Variants in GGA1 observed in about 807,000 individuals in gnomAD.
GGA1 encodes the protein golgi associated, gamma adaptin ear containing, ARF binding protein 1.
In GGA1, 18 loss-of-function variants were observed where a neutral mutation model predicts 76.9. The ratio of observed to expected loss-of-function variants is 0.23; its 90% CI spans 0.16 to 0.35. The LOEUF (loss-of-function observed/expected upper bound fraction) is 0.35. Ranked by LOEUF, GGA1 falls within the 10% of genes least tolerant of loss-of-function variation. The pLI is 1.00. For missense variants in GGA1, 755 were observed against 859.0 expected, an observed-to-expected ratio of 0.88 and a Z score of 1.51; for synonymous variants, 342 against 354.7, an observed-to-expected ratio of 0.96 and a Z score of 0.40.
At chr22:37,630,621 C>G (rs1457582579) in intron 13 of GGA1, 2 of 503,464 alleles carry the variant, frequency 4.0e-6, no homozygotes, top group Non-Finnish European at 7.0e-6. Context: ...GGCTGGAGTA[C>G]AGTGGCATGA....
chr22:37,623,007 T>C lies in GGA1; in HGVS notation c.610-320T>C, dbSNP rs959677360. ...CAAACACAAGGAGGGCAAGAGTCAC[T>C]GAGAACCACAGTGGAGGTCTAGGGC... On this transcript the variant is annotated intron_variant, in intron 7 of 16. Transcript: ENST00000343632. This position sits in a 1 kb window ranked among gnomAD's most constrained non-coding sequence, Gnocchi z 4.6. Among the ~76,000 whole-genome samples the C allele has an allele frequency of 4.1e-4, 62 of 152,324 alleles. No homozygotes were observed. The highest frequency in any genetic ancestry group is 1.4e-3 in the African/African-American group (57 of 41,568).
intron 2 of GGA1, among the ~76,000 whole-genome samples, chr22:37,615,147 T>G (rs1928519630): frequency 6.7e-6 from 1 of 149,348 alleles, no homozygotes; most frequent in African/African-American, 2.5e-5. Flanking sequence ...CATCATCTCT[T>G]AAAAAATAAA....
At chr22:37,613,121 G>A in intron 1 of GGA1, 1 of 985,424 alleles carries the variant, frequency 1.0e-6, no homozygotes, top group Non-Finnish European at 1.2e-6. Context: ...CTGGGCAGGA[G>A]TAGAGGATTA....
chr22:37,617,124 A>C (rs1260603135), intron 3 of GGA1, 127 bp downstream of exon 3: 2 of 1,517,272 alleles, frequency 1.3e-6, no homozygotes, highest in Non-Finnish European at 1.8e-6. Flanking sequence ...ATGGCCCAGG[A>C]TGGAGGTCCG....
rs1930531306 is a variant in GGA1 at position 37,624,901 on chromosome 22, C to T, written c.833-68C>T. On this transcript the variant is annotated intron_variant, in intron 9 of 16. Coordinates refer to ENST00000343632, the MANE Select transcript of GGA1 (RefSeq NM_013365.5). The surrounding 1 kb of genome is among the most constrained non-coding windows in gnomAD (Gnocchi z 4.3). Reference sequence around the variant, plus strand: ...CACAGGCTGTGATGGATGTGGGGTCCTCGTCCCCTGCCGCCCAGAGGCCCC... The same window carrying T: ...CACAGGCTGTGATGGATGTGGGGTCTTCGTCCCCTGCCGCCCAGAGGCCCC... 6.5e-7 allele frequency: 1 copy of T among 1,527,704 alleles called. No homozygotes were observed. The highest frequency in any genetic ancestry group is 2.0e-5 in the Admixed American group (1 of 50,430). 94.6% of individuals were successfully genotyped at this position (1,527,704 alleles called of 1,614,324 possible).
At chr22:37,626,454 G>T (rs1930854689) in intron 11 of GGA1, 1 of 152,268 alleles carries the variant, frequency 6.6e-6, no homozygotes, top group African/African-American at 2.4e-5. Flanking sequence ...CCCAGCAGGG[G>T]CCAGGCTTCC....
intron 1 of GGA1, 22 bp downstream of exon 1, chr22:37,608,925 G>A (rs1926905387): frequency 7.6e-7 from 1 of 1,320,306 alleles, no homozygotes; most frequent in Non-Finnish European, 9.7e-7. Context: ...GGAGGGGCGC[G>A]GGCCGGACCG....
At position 37,625,151 on chromosome 22, in the gene GGA1, G is replaced by C. The variant is rs1476389663; in HGVS notation, c.940+75G>C. 5 of 1,330,928 alleles carry C rather than the reference G, an allele frequency of 3.8e-6. No individual in the cohort carries two copies. In the Admixed American group the frequency reaches 1.0e-4, roughly 26 times the overall value. 82.4% of individuals were successfully genotyped at this position (1,330,928 alleles called of 1,614,324 possible). A position where few individuals can be genotyped will look rare whatever the true frequency, so the allele number is the denominator to read the frequency against. On this transcript the variant is annotated intron_variant, in intron 10 of 16. Coordinates refer to ENST00000343632, the MANE Select transcript of GGA1 (RefSeq NM_013365.5). This position sits in a 1 kb window ranked among gnomAD's most constrained non-coding sequence, Gnocchi z 4.1. ...CACAGAGAGTGCAGGGTGGTGTGCT[G>C]GTCTCAGAGCGGCTGGAATGACTGC...
rs777430945 is a variant in GGA1, at chr22:37,632,772, G to A, written c.*61G>A. 13 of 1,001,652 alleles carry A rather than the reference G, an allele frequency of 1.3e-5. No homozygotes were observed. The highest frequency in any genetic ancestry group is 2.0e-5 in the Non-Finnish European group (13 of 646,120). 62.0% of individuals were successfully genotyped at this position (1,001,652 alleles called of 1,614,324 possible). A position where few individuals can be genotyped will look rare whatever the true frequency, so the allele number is the denominator to read the frequency against. ...CCGGTCACTGTCCAGCCTGGAGGGA[G>A]GCATTGGTGGCCAAGGACACCCTTT... On this transcript the variant is annotated 3_prime_UTR_variant, in exon 17 of 17. Transcript: ENST00000343632. The surrounding 1 kb of genome is among the most constrained non-coding windows in gnomAD (Gnocchi z 5.1).
In GGA1 at chr22:37,632,534, G is replaced by A. The variant is rs1601568308; in HGVS notation, c.1809+19G>A. The stretch of plus-strand genomic sequence containing the variant: ...CCAGAAGGTAAGGGGCCCCCAGGCA[G>A]TGCTGCAGGGTGGGGACGGCCACTT... On this transcript the variant is annotated intron_variant, in intron 16 of 16. Transcript: ENST00000343632. The surrounding 1 kb of genome is among the most constrained non-coding windows in gnomAD (Gnocchi z 5.1). 2 of 1,589,402 alleles carry A rather than the reference G, an allele frequency of 1.3e-6. No individual in the cohort carries two copies. The highest frequency in any genetic ancestry group is 4.5e-5 in the East Asian group (2 of 44,730).
rs1929190079 is a variant in GGA1, at chr22:37,618,267, C to T, written c.205-181C>T. 6.8e-6 allele frequency: 4 copies of T among 584,636 alleles called. No individual in the cohort carries two copies. In the South Asian group the frequency reaches 8.2e-5, roughly 12 times the overall value. 36.2% of individuals were successfully genotyped at this position (584,636 alleles called of 1,614,324 possible). On this transcript the variant is annotated intron_variant, in intron 3 of 16. Transcript: ENST00000343632. ...GTATGTAGGTCGCCTGACCCTATCTCCCATGGGAGTGATGACCAGTCCCAG... is the reference window on the plus strand; with the variant it reads ...GTATGTAGGTCGCCTGACCCTATCTTCCATGGGAGTGATGACCAGTCCCAG...
chr22:37,618,491 A>T lies in GGA1; in HGVS notation c.248A>T (p.Asp83Val), dbSNP rs772649417. 1.2e-6 allele frequency: 2 copies of T among 1,613,740 alleles called. No homozygotes were observed. Among genetic ancestry groups the T allele is most frequent in the South Asian group, 2.2e-5 (2 of 91,068 alleles). The change falls in exon 4 of 17, where the codon GAC becomes GTC. Residue 83 changes from aspartate (D) to valine (V), a missense_variant. Physicochemically the swap from Asp to Val is radical, Grantham distance 152. Transcript: ENST00000343632. ...CMKSCGKRFH[D>V]EVGKFRFLNE... is the part of the protein sequence containing the mutation. ...AAGAGCTGCGGCAAGCGGTTCCACG[A>T]CGAAGTGGGCAAGTTCCGCTTTCTC...
At position 37,625,256 on chromosome 22, in the gene GGA1, G is replaced by A. The variant is rs886593734; in HGVS notation, c.940+180G>A. 2.6e-5 allele frequency among the ~76,000 whole-genome samples: 4 copies of A among 152,138 alleles called. No homozygotes were observed. The highest frequency in any genetic ancestry group is 9.7e-5 in the African/African-American group (4 of 41,428). On this transcript the variant is annotated intron_variant, in intron 10 of 16. Coordinates refer to ENST00000343632, the MANE Select transcript of GGA1 (RefSeq NM_013365.5). This position sits in a 1 kb window ranked among gnomAD's most constrained non-coding sequence, Gnocchi z 4.1. Reference sequence around the variant, plus strand: ...TGAAGTCTGTGCCAAGCCTGCAGCTGTGGGGGAAGAAGTCTGGTGGGGGAG... The same window carrying A: ...TGAAGTCTGTGCCAAGCCTGCAGCTATGGGGGAAGAAGTCTGGTGGGGGAG...
chr22:37,623,705 C>G lies in GGA1; in HGVS notation c.832+72C>G. 9.2e-7 allele frequency: 1 copy of G among 1,085,930 alleles called. No homozygotes were observed. Among genetic ancestry groups the G allele is most frequent in the Non-Finnish European group, 1.4e-6 (1 of 730,808 alleles). The allele number at this position is 1,085,930 out of a possible 1,614,324, so 67.3% of individuals were successfully genotyped here. A position where few individuals can be genotyped will look rare whatever the true frequency, so the allele number is the denominator to read the frequency against. ...ACCTCCTGCCCCCACCTCCCCCAGGCCCTGCTAAGTATCTGCAGTTGGAAG... is the reference window on the plus strand; with the variant it reads ...ACCTCCTGCCCCCACCTCCCCCAGGGCCTGCTAAGTATCTGCAGTTGGAAG... On this transcript the variant is annotated intron_variant, in intron 9 of 16. Transcript: ENST00000343632. This position sits in a 1 kb window ranked among gnomAD's most constrained non-coding sequence, Gnocchi z 4.6.
At chr22:37,612,728 C>A in intron 1 of GGA1, 1 of 162,426 alleles carries the variant, frequency 6.2e-6, no homozygotes, top group Non-Finnish European at 1.3e-5. Context: ...GAGCCGAGAT[C>A]GTGCCACTGC....
intron 4 of GGA1, chr22:37,619,951 C>T (rs941734489): frequency 9.2e-6 from 6 of 654,986 alleles, no homozygotes; most frequent in African/African-American, 9.0e-5. Context: ...GCTAAGTCCC[C>T]AGAGCCGACT....
chr22:37,621,841 C>T (rs1352326912), intron 7 of GGA1, 145 bp downstream of exon 7: 1 of 544,456 alleles, frequency 1.8e-6, no homozygotes, highest in Admixed American at 3.5e-5. Context: ...GCTGGGGGAC[C>T]AGGGTGTGCA....
In GGA1 at chr22:37,632,416, G is replaced by C. The variant is rs898855276; in HGVS notation, c.1710G>C (p.Val570=). 6.2e-7 allele frequency: 1 copy of C among 1,610,842 alleles called. No homozygotes were observed. Among genetic ancestry groups the C allele is most frequent in the African/African-American group, 1.3e-5 (1 of 74,846 alleles). Residue 570 remains valine, a synonymous_variant, in exon 16 of 17, where the codon GTG becomes GTC. Coordinates refer to ENST00000343632, the MANE Select transcript of GGA1 (RefSeq NM_013365.5). The surrounding 1 kb of genome is among the most constrained non-coding windows in gnomAD (Gnocchi z 5.1). ...CCATCTGCCCACAGGTTATGAAGGT[G>C]AAGCTGCAGCCACCCTCGGGCACGG... ...FQSAVPKVMK[V]KLQPPSGTEL...
intron 1 of GGA1, among the ~76,000 whole-genome samples, chr22:37,612,194 G>C (rs563903282): frequency 2.0e-5 from 3 of 151,896 alleles, no homozygotes; most frequent in African/African-American, 7.2e-5. Context: ...GCCGGACGCA[G>C]TGGCTCACAC....
Sources: allele counts gnomAD v4.1 joint callset (sites outside exome capture counted in the v4.1 genomes callset), GRCh38; gene constraint gnomAD v4.1.1; non-coding constraint Gnocchi (gnomAD v3.1); transcripts MANE v1.5; gene names NCBI Gene and HGNC (gene_info 2026-07-23, HGNC 2026-07-21).